Variants in FOXQ1 observed in about 807,000 individuals in gnomAD.
FOXQ1 encodes forkhead box Q1, also known as forkhead box protein Q1.
FOXQ1 carries 1 observed loss-of-function variant against 0.6 expected under a neutral mutation model. The observed-to-expected ratio is 1.73, with a 90% confidence interval of 0.61 to 8.20. FOXQ1 has a LOEUF of 8.20. Ranked by LOEUF, FOXQ1 falls within the 30% of genes most tolerant of loss-of-function variation. The pLI is 0.13. For synonymous variants in FOXQ1, 377 were observed against 294.4 expected (o/e 1.28, Z -2.87); for missense variants, 734 against 595.6 (o/e 1.23, Z -2.42).
rs1368977088 is a variant in FOXQ1, at chr6:1,313,690, G to A, written c.986G>A (p.Gly329Asp). The change falls in exon 1 of 1, where the codon GGC becomes GAC. Residue 329 changes from glycine (G) to aspartate (D), a missense_variant. Coordinates refer to ENST00000296839, the MANE Select transcript of FOXQ1 (RefSeq NM_033260.4). This position sits in a 1 kb window ranked among gnomAD's most constrained non-coding sequence, Gnocchi z 5.2. ...CTGCCGCTCTGCGCGTACGGCGCGG[G>A]CGAGCCGGCGCGGCTGGGCGCGCGC... The part of the protein sequence containing the change: ...ALLPLCAYGA[G>D]EPARLGAREA... The A allele has an allele frequency of 3.9e-6, 4 of 1,036,138 alleles. No individual in the cohort carries two copies. The highest frequency in any genetic ancestry group is 4.5e-4 in the Middle Eastern group (1 of 2,240). The allele number at this position is 1,036,138 out of a possible 1,614,324, so 64.2% of individuals were successfully genotyped here.
At position 1,313,856 on chromosome 6, in the gene FOXQ1, G is replaced by A. The variant is rs890003398; in HGVS notation, c.1152G>A (p.Ala384=). The A allele has an allele frequency of 4.1e-5, 54 of 1,308,676 alleles. No individual in the cohort carries two copies. Among genetic ancestry groups the A allele is most frequent in the Middle Eastern group, 5.8e-4 (2 of 3,446 alleles). The allele number at this position is 1,308,676 out of a possible 1,614,324, so 81.1% of individuals were successfully genotyped here. Reference sequence around the variant, plus strand: ...TGCGGCTGCCCGCAGCCCTGCAGGCGGCCTCAGTCCGCCGCCCTGGCCCGC... The same window carrying A: ...TGCGGCTGCCCGCAGCCCTGCAGGCAGCCTCAGTCCGCCGCCCTGGCCCGC... ...CPLRLPAALQ[A]ASVRRPGPHL... The change falls in exon 1 of 1, where the codon GCG becomes GCA. Residue 384 remains alanine (A), a synonymous_variant. Transcript: ENST00000296839. The surrounding 1 kb of genome is among the most constrained non-coding windows in gnomAD (Gnocchi z 5.2).
At position 1,312,606 on chromosome 6, in the gene FOXQ1, TCCC is replaced by T. The variant is rs1757564663; in HGVS notation, c.-97_-95del. ...AGCTCCCGGGAGAAAAAGGCGAAGA[TCCC>T]CGGCCCCGGATCGCCATCCCCTTCC... On this transcript the variant is annotated 5_prime_UTR_variant, in exon 1 of 1. Coordinates refer to ENST00000296839, the MANE Select transcript of FOXQ1 (RefSeq NM_033260.4). 1.6e-6 allele frequency: 2 copies of T among 1,252,454 alleles called. No individual in the cohort carries two copies. The highest frequency in any genetic ancestry group is 2.0e-6 in the Non-Finnish European group (2 of 998,816). 77.6% of individuals were successfully genotyped at this position (1,252,454 alleles called of 1,614,324 possible). A position where few individuals can be genotyped will look rare whatever the true frequency, so the allele number is the denominator to read the frequency against.
Position 1,313,566 on chromosome 6 carries a change from G to A in FOXQ1, c.862G>A (p.Asp288Asn). The A allele has an allele frequency of 8.0e-7, 1 of 1,244,588 alleles. No individual in the cohort carries two copies. Among genetic ancestry groups the A allele is most frequent in the East Asian group, 4.8e-5 (1 of 20,878 alleles). 77.1% of individuals were successfully genotyped at this position (1,244,588 alleles called of 1,614,324 possible). The change falls in exon 1 of 1, where the codon GAC becomes AAC. Residue 288 changes from aspartate to asparagine, a missense_variant. Transcript: ENST00000296839. This position sits in a 1 kb window ranked among gnomAD's most constrained non-coding sequence, Gnocchi z 5.2. ...GCCCTTCCGCAGCCGCCGCCTCAGG[G>A]ACACGGCCCCCGGGACGACGCTTCA... ...RKPFRSRRLR[D>N]TAPGTTLQWG...
rs566897925 is a variant in FOXQ1 at position 1,312,733 on chromosome 6, C to A, written c.29C>A (p.Ala10Glu). The A allele has an allele frequency of 8.9e-6, 12 of 1,354,796 alleles. No individual in the cohort carries two copies. The East Asian group carries it at 3.4e-4, about 38-fold the overall frequency. The allele number at this position is 1,354,796 out of a possible 1,614,324, so 83.9% of individuals were successfully genotyped here. The change falls in exon 1 of 1, where the codon GCG becomes GAG. Residue 10 changes from alanine to glutamate, a missense_variant. By Grantham distance (107) the Ala-to-Glu change is moderately radical. Coordinates refer to ENST00000296839, the MANE Select transcript of FOXQ1 (RefSeq NM_033260.4). ...AAGTTGGAGGTGTTCGTCCCTCGCG[C>A]GGCCCACGGGGACAAGCAGGGCAGT... MKLEVFVPR[A>E]AHGDKQGSDL...
chr6:1,313,386 C>A lies in FOXQ1; in HGVS notation c.682C>A (p.Arg228=), dbSNP rs1328118391. The A allele has an allele frequency of 3.7e-6, 5 of 1,351,268 alleles. No homozygotes were observed. In the South Asian group the frequency reaches 5.0e-5, roughly 13 times the overall value. The allele number at this position is 1,351,268 out of a possible 1,614,324, so 83.7% of individuals were successfully genotyped here. The change falls in exon 1 of 1, where the codon CGG becomes AGG. Residue 228 remains arginine, a synonymous_variant. Coordinates refer to ENST00000296839, the MANE Select transcript of FOXQ1 (RefSeq NM_033260.4). This position sits in a 1 kb window ranked among gnomAD's most constrained non-coding sequence, Gnocchi z 5.2. ...CGCGCCGGTCCCCGCGCCCGGGCTG[C>A]GGCCCGAGGAGGCCCCGGGCCTCCC... ...HRAPVPAPGL[R]PEEAPGLPAA...
rs781554983 is a variant in FOXQ1, at chr6:1,313,220, G to C, written c.516G>C (p.Ser172=). The part of the protein sequence containing the change: ...GWRNSVRHNL[S]LNDCFVKVLR... ...GCAACTCCGTGCGCCACAACCTTTC[G>C]CTCAACGACTGCTTCGTCAAGGTGC... Residue 172 remains serine (S), a synonymous_variant, in exon 1 of 1, where the codon TCG becomes TCC. Coordinates refer to ENST00000296839, the MANE Select transcript of FOXQ1 (RefSeq NM_033260.4). The surrounding 1 kb of genome is among the most constrained non-coding windows in gnomAD (Gnocchi z 5.2). 1 of 1,609,752 alleles carries C rather than the reference G, an allele frequency of 6.2e-7. No homozygotes were observed. Among genetic ancestry groups the C allele is most frequent in the East Asian group, 2.2e-5 (1 of 44,504 alleles).
chr6:1,313,577 C>T lies in FOXQ1; in HGVS notation c.873C>T (p.Pro291=). ...GCCGCCGCCTCAGGGACACGGCCCC[C>T]GGGACGACGCTTCAGTGGGGCGCCG... ...FRSRRLRDTA[P]GTTLQWGAAP... is the part of the protein sequence containing the mutation. Residue 291 remains proline (P), a synonymous_variant, in exon 1 of 1, where the codon CCC becomes CCT. Transcript: ENST00000296839. The surrounding 1 kb of genome is among the most constrained non-coding windows in gnomAD (Gnocchi z 5.2). 2.5e-6 allele frequency: 3 copies of T among 1,205,632 alleles called. No individual in the cohort carries two copies. The highest frequency in any genetic ancestry group is 3.5e-5 in the Admixed American group (1 of 28,256). 74.7% of individuals were successfully genotyped at this position (1,205,632 alleles called of 1,614,324 possible). A position where few individuals can be genotyped will look rare whatever the true frequency, so the allele number is the denominator to read the frequency against.
Position 1,313,801 on chromosome 6 carries a change from C to T in FOXQ1, c.1097C>T (p.Ala366Val), listed in dbSNP as rs998336932. The T allele has an allele frequency of 9.1e-5, 116 of 1,274,280 alleles. No homozygotes were observed. Among genetic ancestry groups the T allele is most frequent in the Non-Finnish European group, 1.1e-4 (110 of 1,012,942 alleles). 78.9% of individuals were successfully genotyped at this position (1,274,280 alleles called of 1,614,324 possible). Reference protein sequence around the residue: ...AAPAKPLRGPAAGGAHLYCPL... With the variant: ...AAPAKPLRGPVAGGAHLYCPL... ...CCCGCCAAGCCACTCCGAGGCCCGG[C>T]GGCCGGCGGCGCGCACCTGTACTGC... The change falls in exon 1 of 1, where the codon GCG becomes GTG. Residue 366 changes from alanine (A) to valine (V), a missense_variant. Transcript: ENST00000296839. This position sits in a 1 kb window ranked among gnomAD's most constrained non-coding sequence, Gnocchi z 5.2.
In FOXQ1 at chr6:1,313,364, G is replaced by A. The variant is rs780107629; in HGVS notation, c.660G>A (p.Ala220=). The A allele has an allele frequency of 6.6e-7, 1 of 1,516,066 alleles. No individual in the cohort carries two copies. The highest frequency in any genetic ancestry group is 8.8e-7 in the Non-Finnish European group (1 of 1,131,438). The allele number at this position is 1,516,066 out of a possible 1,614,324, so 93.9% of individuals were successfully genotyped here. A position where few individuals can be genotyped will look rare whatever the true frequency, so the allele number is the denominator to read the frequency against. ...GCCGCAAGCGCCTCAGCCACCGCGC[G>A]CCGGTCCCCGCGCCCGGGCTGCGGC... ...RRRRKRLSHR[A]PVPAPGLRPE... is the part of the protein sequence containing the mutation. The change falls in exon 1 of 1, where the codon GCG becomes GCA. Residue 220 remains alanine (A), a synonymous_variant. Coordinates refer to ENST00000296839, the MANE Select transcript of FOXQ1 (RefSeq NM_033260.4). This position sits in a 1 kb window ranked among gnomAD's most constrained non-coding sequence, Gnocchi z 5.2.
Position 1,312,458 on chromosome 6 carries a change from G to A in FOXQ1, c.-247G>A. 2.1e-6 allele frequency: 1 copy of A among 466,834 alleles called. No individual in the cohort carries two copies. The highest frequency in any genetic ancestry group is 3.4e-6 in the Non-Finnish European group (1 of 296,224). 28.9% of individuals were successfully genotyped at this position (466,834 alleles called of 1,614,324 possible). On this transcript the variant is annotated 5_prime_UTR_variant, in exon 1 of 1. Coordinates refer to ENST00000296839, the MANE Select transcript of FOXQ1 (RefSeq NM_033260.4). ...CCAAAGTCTCAACGTCGAACCGAAG[G>A]CGACACCCACCCAACTCCTCCCTCT...
At position 1,313,849 on chromosome 6, in the gene FOXQ1, TG is replaced by T; in HGVS notation, c.1146del (p.Gln383ArgfsTer20). 7.6e-7 allele frequency: 1 copy of T among 1,307,856 alleles called. No individual in the cohort carries two copies. The highest frequency in any genetic ancestry group is 9.7e-7 in the Non-Finnish European group (1 of 1,033,800). The allele number at this position is 1,307,856 out of a possible 1,614,324, so 81.0% of individuals were successfully genotyped here. On this transcript the variant is annotated frameshift_variant, in exon 1 of 1. Coordinates refer to ENST00000296839, the MANE Select transcript of FOXQ1 (RefSeq NM_033260.4). LOFTEE classifies it high-confidence loss of function. This position sits in a 1 kb window ranked among gnomAD's most constrained non-coding sequence, Gnocchi z 5.2. ...LYCPLRLPAA[L>X]QAASVRRPGP... Reference sequence around the variant, plus strand: ...TGCCCCCTGCGGCTGCCCGCAGCCCTGCAGGCGGCCTCAGTCCGCCGCCCTG... The same window carrying T: ...TGCCCCCTGCGGCTGCCCGCAGCCCTCAGGCGGCCTCAGTCCGCCGCCCTG...
At position 1,312,736 on chromosome 6, in the gene FOXQ1, C is replaced by T. The variant is rs1420179105; in HGVS notation, c.32C>T (p.Ala11Val). 3 of 1,354,656 alleles carry T rather than the reference C, an allele frequency of 2.2e-6. No individual in the cohort carries two copies. Among genetic ancestry groups the T allele is most frequent in the Admixed American group, 3.6e-5 (1 of 27,758 alleles). 83.9% of individuals were successfully genotyped at this position (1,354,656 alleles called of 1,614,324 possible). A position where few individuals can be genotyped will look rare whatever the true frequency, so the allele number is the denominator to read the frequency against. ...TTGGAGGTGTTCGTCCCTCGCGCGG[C>T]CCACGGGGACAAGCAGGGCAGTGAC... MKLEVFVPRA[A>V]HGDKQGSDLE... Residue 11 changes from alanine (A) to valine (V), a missense_variant, in exon 1 of 1, where the codon GCC becomes GTC. Ala to Val is a moderately conservative substitution (Grantham distance 64). Coordinates refer to ENST00000296839, the MANE Select transcript of FOXQ1 (RefSeq NM_033260.4).
rs1287677595 is a variant in FOXQ1, at chr6:1,313,709, C to A, written c.1005C>A (p.Gly335=). Residue 335 remains glycine (G), a synonymous_variant, in exon 1 of 1, where the codon GGC becomes GGA. Transcript: ENST00000296839. The surrounding 1 kb of genome is among the most constrained non-coding windows in gnomAD (Gnocchi z 5.2). ...GCGCGGGCGAGCCGGCGCGGCTGGG[C>A]GCGCGCGAGGCCGAGGTGCCACCGA... The part of the protein sequence containing the change: ...AYGAGEPARL[G]AREAEVPPTA... The A allele has an allele frequency of 1.9e-6, 2 of 1,074,416 alleles. No individual in the cohort carries two copies. Among genetic ancestry groups the A allele is most frequent in the East Asian group, 1.3e-4 (2 of 15,960 alleles). 66.6% of individuals were successfully genotyped at this position (1,074,416 alleles called of 1,614,324 possible).
Position 1,314,449 on chromosome 6 carries a change from GAAA to G in FOXQ1, c.*539_*541del, listed in dbSNP as rs1011342904. The G allele has an allele frequency of 6.0e-6, 1 of 166,278 alleles. No homozygotes were observed. Among genetic ancestry groups the G allele is most frequent in the Non-Finnish European group, 1.5e-5 (1 of 67,980 alleles). The allele number at this position is 166,278 out of a possible 1,614,324, so 10.3% of individuals were successfully genotyped here. On this transcript the variant is annotated 3_prime_UTR_variant, in exon 1 of 1. Transcript: ENST00000296839. ...ACCGATGCTTCACTGTGCCAAAAGA[GAAA>G]AAAAATGTTGGGTTTTGTAATTAAA...
rs1317440201 is a variant in FOXQ1, at chr6:1,312,998, A to G, written c.294A>G (p.Pro98=). The part of the protein sequence containing the change: ...AEGAEAGAAG[P]GAGGAGSGEG... ...GCGCGGAGGCCGGGGCGGCGGGGCC[A>G]GGCGCGGGCGGCGCGGGGAGCGGCG... The change falls in exon 1 of 1, where the codon CCA becomes CCG. Residue 98 remains proline, a synonymous_variant. Transcript: ENST00000296839. The G allele has an allele frequency of 4.5e-6, 6 of 1,346,854 alleles. No individual in the cohort carries two copies. The Admixed American group carries it at 1.1e-4, about 24-fold the overall frequency. 83.4% of individuals were successfully genotyped at this position (1,346,854 alleles called of 1,614,324 possible).
In FOXQ1 at chr6:1,314,261, C is replaced by G. The variant is rs978079927; in HGVS notation, c.*345C>G. ...GTCGCAACTTCCATTGATTTATGTCCCTTCCCTCCCCCCTAAGTACATCAG... is the reference window on the plus strand; with the variant it reads ...GTCGCAACTTCCATTGATTTATGTCGCTTCCCTCCCCCCTAAGTACATCAG... On this transcript the variant is annotated 3_prime_UTR_variant, in exon 1 of 1. Transcript: ENST00000296839. 1 of 175,288 alleles carries G rather than the reference C, an allele frequency of 5.7e-6. No homozygotes were observed. The highest frequency in any genetic ancestry group is 1.3e-5 in the Non-Finnish European group (1 of 74,148). 10.9% of individuals were successfully genotyped at this position (175,288 alleles called of 1,614,324 possible).
Position 1,312,519 on chromosome 6 carries a change from C to A in FOXQ1, c.-186C>A. 1 of 968,572 alleles carries A rather than the reference C, an allele frequency of 1.0e-6. No homozygotes were observed. Among genetic ancestry groups the A allele is most frequent in the Non-Finnish European group, 1.3e-6 (1 of 746,034 alleles). 60.0% of individuals were successfully genotyped at this position (968,572 alleles called of 1,614,324 possible). A position where few individuals can be genotyped will look rare whatever the true frequency, so the allele number is the denominator to read the frequency against. On this transcript the variant is annotated 5_prime_UTR_variant, in exon 1 of 1. Transcript: ENST00000296839. ...GTCCACCCAACACTTGCAGCCCCTC[C>A]AGAGAAAAAGCCCAGCGGAAGAGGA...
Position 1,313,597 on chromosome 6 carries a change from G to GCGCCGCGCCCTGCC in FOXQ1, c.900_913dup (p.Leu305ArgfsTer103). 1.7e-6 allele frequency: 2 copies of GCGCCGCGCCCTGCC among 1,147,772 alleles called. No individual in the cohort carries two copies. The highest frequency in any genetic ancestry group is 2.2e-6 in the Non-Finnish European group (2 of 925,752). 71.1% of individuals were successfully genotyped at this position (1,147,772 alleles called of 1,614,324 possible). On this transcript the variant is annotated frameshift_variant, in exon 1 of 1. Coordinates refer to ENST00000296839, the MANE Select transcript of FOXQ1 (RefSeq NM_033260.4). LOFTEE classifies it low-confidence loss of function (END_TRUNC). The surrounding 1 kb of genome is among the most constrained non-coding windows in gnomAD (Gnocchi z 5.2). ...GCCCCCGGGACGACGCTTCAGTGGG[G>GCGCCGCGCCCTGCC]CGCCGCGCCCTGCCCGCCGCTGCCC... is the stretch of plus-strand genomic sequence containing the variant.
In FOXQ1 at chr6:1,314,071, A is replaced by G. The variant is rs1017179419; in HGVS notation, c.*155A>G. 5 of 1,020,916 alleles carry G rather than the reference A, an allele frequency of 4.9e-6. No individual in the cohort carries two copies. In the African/African-American group the frequency reaches 8.4e-5, roughly 17 times the overall value. The allele number at this position is 1,020,916 out of a possible 1,614,324, so 63.2% of individuals were successfully genotyped here. On this transcript the variant is annotated 3_prime_UTR_variant, in exon 1 of 1. Transcript: ENST00000296839. ...AAAGCTAAAGCATTTTGACAGGAGT[A>G]TTTAAACTTAGTCCAGGATATTTTC...
Sources: allele counts gnomAD v4.1 joint callset, GRCh38; gene constraint gnomAD v4.1.1; non-coding constraint Gnocchi (gnomAD v3.1); transcripts MANE v1.5; gene names NCBI Gene and HGNC (gene_info 2026-07-23, HGNC 2026-07-21).